The following FRMD4A variants were observed in gnomAD, a reference collection of about 807,000 sequenced individuals.
FRMD4A encodes FERM domain containing 4A, also known as FERM domain-containing protein 4A.
A neutral mutation model predicts 129.1 loss-of-function variants in FRMD4A; 29 were observed. The ratio of observed to expected loss-of-function variants is 0.22; its 90% confidence interval spans 0.17 to 0.31. The LOEUF is 0.31. FRMD4A is among the 10% of genes least tolerant of loss of function. The pLI is 1.00. For synonymous variants in FRMD4A, 634 were observed against 571.6 expected (o/e 1.11, Z -1.56); for missense variants, 1,272 against 1,375.8 (o/e 0.92, Z 1.19).
At position 13,647,018 on chromosome 10, in the gene FRMD4A, C is replaced by T; in HGVS notation, c.*20G>A. On this transcript the variant is annotated 3_prime_UTR_variant, in exon 25 of 25. Coordinates refer to ENST00000357447, the MANE Select transcript of FRMD4A (RefSeq NM_018027.5). ...TGGATAGAGGGAGGAATCCAGGAAA[C>T]AGCTATCATTGTAGCTCCTGTGGGA... is the stretch of plus-strand genomic sequence containing the variant. The T allele has an allele frequency of 2.1e-6, 2 of 971,770 alleles. No individual in the cohort carries two copies. Among genetic ancestry groups the T allele is most frequent in the Non-Finnish European group, 2.4e-6 (2 of 817,040 alleles). The allele number at this position is 971,770 out of a possible 1,614,324, so 60.2% of individuals were successfully genotyped here.
chr10:13,914,488 T>C (rs1177102181), intron 2 of FRMD4A, among the ~76,000 whole-genome samples: 3 of 152,260 alleles, frequency 2.0e-5, no homozygotes, highest in Non-Finnish European at 2.9e-5. Flanking sequence ...AAGAGCTTCA[T>C]TGATCTCTGT....
intron 13 of FRMD4A, among the ~76,000 whole-genome samples, chr10:13,701,935 A>G (rs1174413160): frequency 6.6e-6 from 1 of 152,208 alleles, no homozygotes; most frequent in African/African-American, 2.4e-5. Context: ...GACTTCTTAT[A>G]TAACTAACCC....
intron 8 of FRMD4A, among the ~76,000 whole-genome samples, chr10:13,759,333 T>C (rs1329740891): frequency 6.6e-6 from 1 of 152,234 alleles, no homozygotes; most frequent in Admixed American, 6.5e-5. Flanking sequence ...TTCCAGAAGC[T>C]CATTAGGGGG....
chr10:14,006,677 T>C (rs567691917), intron 2 of FRMD4A, among the ~76,000 whole-genome samples: 25 of 152,284 alleles, frequency 1.6e-4, no homozygotes, highest in Non-Finnish European at 3.2e-4. Flanking sequence ...TGTGAATAAA[T>C]ATCTTAATAA....
At chr10:13,967,203 G>T (rs922137937) in intron 2 of FRMD4A, among the ~76,000 whole-genome samples, 3 of 152,262 alleles carry the variant, frequency 2.0e-5, no homozygotes, top group African/African-American at 7.2e-5. Flanking sequence ...CAGGCTTGGT[G>T]GCGGGCGCCT....
chr10:13,882,148 G>T (rs1307060385), intron 2 of FRMD4A, among the ~76,000 whole-genome samples: 1 of 152,024 alleles, frequency 6.6e-6, no homozygotes, highest in Non-Finnish European at 1.5e-5. Context: ...GGGTGCTGAG[G>T]TGGGGGTTGT....
chr10:14,278,094 G>T (rs1467018682), intron 2 of FRMD4A, among the ~76,000 whole-genome samples: 2 of 152,158 alleles, frequency 1.3e-5, no homozygotes, highest in African/African-American at 4.8e-5. Context: ...CGCTTTGGCA[G>T]GTTGGGGCTC....
At chr10:13,715,905 C>CAAA (rs61600242) in intron 12 of FRMD4A, among the ~76,000 whole-genome samples, 7 of 125,452 alleles carry the variant, frequency 5.6e-5, no homozygotes, top group Admixed American at 8.6e-5. Flanking sequence ...ACTCCCCCCT[C>CAAA]AAAAAAAAAA....
At chr10:14,133,069 A>C (rs1170494093) in intron 2 of FRMD4A, among the ~76,000 whole-genome samples, 2 of 152,150 alleles carry the variant, frequency 1.3e-5, no homozygotes, top group East Asian at 1.9e-4. Flanking sequence ...TTTTTACCAA[A>C]CTTCAGGAAT....
At chr10:14,252,585 T>C (rs1055557851) in intron 2 of FRMD4A, among the ~76,000 whole-genome samples, 1 of 152,222 alleles carries the variant, frequency 6.6e-6, no homozygotes, top group Non-Finnish European at 1.5e-5. Flanking sequence ...AGGAGTACAC[T>C]CTGGAAATGA....
At chr10:14,258,210 AAAG>A (rs1844681571) in intron 2 of FRMD4A, among the ~76,000 whole-genome samples, 1 of 151,546 alleles carries the variant, frequency 6.6e-6, no homozygotes. Flanking sequence ...ACTCTTCAAA[AAAG>A]AAGAGTATTA....
At chr10:13,860,386 G>A (rs2094277813) in intron 2 of FRMD4A, among the ~76,000 whole-genome samples, 1 of 152,084 alleles carries the variant, frequency 6.6e-6, no homozygotes, top group African/African-American at 2.4e-5. Flanking sequence ...TTTATAATTG[G>A]CACCCCACAT....
At chr10:14,247,875 G>C (rs974155134) in intron 2 of FRMD4A, among the ~76,000 whole-genome samples, 3 of 151,148 alleles carry the variant, frequency 2.0e-5, no homozygotes, top group Admixed American at 1.3e-4. Flanking sequence ...ATAAAAGTCA[G>C]AGAGCTCTGT....
chr10:14,032,856 G>C (rs543432429), intron 2 of FRMD4A, among the ~76,000 whole-genome samples: 59 of 152,352 alleles, frequency 3.9e-4, no homozygotes, highest in Middle Eastern at 3.4e-3. Context: ...GCAGGAGACG[G>C]TGGTGGTGGG....
At chr10:14,119,121 A>G (rs770051751) in intron 2 of FRMD4A, among the ~76,000 whole-genome samples, 7 of 152,110 alleles carry the variant, frequency 4.6e-5, no homozygotes, top group Non-Finnish European at 8.8e-5. Flanking sequence ...AGTCACCTGA[A>G]AGCACTCAGG....
intron 16 of FRMD4A, 87 bp downstream of exon 16, chr10:13,674,824 G>T: frequency 7.2e-7 from 1 of 1,392,324 alleles, no homozygotes; most frequent in South Asian, 1.2e-5. Flanking sequence ...TCAGTCAAAT[G>T]ACATCAAAAA....
At chr10:14,040,504 GAAT>G (rs370504204) in intron 2 of FRMD4A, among the ~76,000 whole-genome samples, 62 of 152,248 alleles carry the variant, frequency 4.1e-4, no homozygotes, top group Middle Eastern at 3.4e-3. Context: ...AAAAAACAGA[GAAT>G]GATGCAATTC....
At chr10:14,306,984 C>G (rs2132098947) in intron 2 of FRMD4A, among the ~76,000 whole-genome samples, 1 of 152,280 alleles carries the variant, frequency 6.6e-6, no homozygotes, top group East Asian at 1.9e-4. Context: ...TCCAATAAGA[C>G]CACACTCCTA....
intron 2 of FRMD4A, among the ~76,000 whole-genome samples, chr10:14,232,554 G>A (rs959809947): frequency 1.3e-5 from 2 of 151,518 alleles, no homozygotes; most frequent in Admixed American, 1.3e-4. Flanking sequence ...TCCTATCCAT[G>A]AGTATGGAAT....
Sources: allele counts gnomAD v4.1 joint callset (sites outside exome capture counted in the v4.1 genomes callset), GRCh38; gene constraint gnomAD v4.1.1; transcripts MANE v1.5; gene names NCBI Gene and HGNC (gene_info 2026-07-23, HGNC 2026-07-21).